The following PHEX variants were observed in gnomAD, a reference collection of about 807,000 sequenced individuals.
PHEX encodes phosphate-regulating neutral endopeptidase PHEX.
PHEX carries 16 observed loss-of-function variants against 68.0 expected under a neutral mutation model. That is an observed-to-expected ratio of 0.24 (90% confidence interval 0.16 to 0.36). The LOEUF is 0.36. PHEX is among the 10% of genes least tolerant of loss of function. The pLI is 1.00. For synonymous variants in PHEX, 208 were observed against 205.1 expected (o/e 1.01, Z -0.12); for missense variants, 480 against 575.5 (o/e 0.83, Z 1.70).
At chrX:22,119,366 T>C (rs1486021809) in intron 11 of PHEX, among the ~76,000 whole-genome samples, 1 of 111,412 alleles carries the variant, frequency 9.0e-6, no homozygotes, top group Non-Finnish European at 1.9e-5. Flanking sequence ...ATATTACTTT[T>C]GTGGAAAGTT....
chrX:22,043,233 G>A (rs73635591), intron 2 of PHEX, among the ~76,000 whole-genome samples: 5,033 of 111,950 alleles, frequency 0.045, 122 homozygotes, highest in African/African-American at 0.077. Context: ...ACATACATAC[G>A]TACATACAGG....
intron 9 of PHEX, among the ~76,000 whole-genome samples, chrX:22,101,484 C>T (rs778273185): frequency 8.9e-6 from 1 of 112,116 alleles, no homozygotes; most frequent in Non-Finnish European, 1.9e-5. Context: ...CCTCTAAACA[C>T]TCATTGGCTA....
chrX:22,037,428 A>G (rs1239235153), intron 1 of PHEX, among the ~76,000 whole-genome samples: 2 of 111,587 alleles, frequency 1.8e-5, no homozygotes, highest in Non-Finnish European at 3.8e-5. Context: ...CACAGAGCAC[A>G]GCAAGAATGA....
At chrX:22,086,800 C>A (rs1200655912) in intron 5 of PHEX, among the ~76,000 whole-genome samples, 1 of 111,834 alleles carries the variant, frequency 8.9e-6, no homozygotes, top group Non-Finnish European at 1.9e-5. Flanking sequence ...TGTCTTCTAA[C>A]TTGAGGTTTA....
intron 14 of PHEX, among the ~76,000 whole-genome samples, chrX:22,183,793 C>T (rs372676841): frequency 9.0e-6 from 1 of 110,999 alleles, no homozygotes; most frequent in East Asian, 2.8e-4. Context: ...CTCAGGGGCT[C>T]CTGCATATTG....
chrX:22,169,133 C>A (rs778548783), intron 13 of PHEX, among the ~76,000 whole-genome samples: 1 of 111,938 alleles, frequency 8.9e-6, no homozygotes, highest in Non-Finnish European at 1.9e-5. Flanking sequence ...TGAGGTATAG[C>A]TCTTTCCTGA....
intron 9 of PHEX, among the ~76,000 whole-genome samples, chrX:22,102,929 A>G (rs925453094): frequency 8.0e-5 from 9 of 112,058 alleles, no homozygotes; most frequent in Non-Finnish European, 1.5e-4. Context: ...GCCTATAAAA[A>G]TCATATACAG....
At chrX:22,051,829 C>T (rs1366363106) in intron 3 of PHEX, among the ~76,000 whole-genome samples, 1 of 110,890 alleles carries the variant, frequency 9.0e-6, no homozygotes, top group Non-Finnish European at 1.9e-5. Flanking sequence ...AGATAAATAT[C>T]GATATAAATA....
intron 2 of PHEX, among the ~76,000 whole-genome samples, chrX:22,039,215 C>T (rs1343319624): frequency 3.6e-5 from 4 of 112,466 alleles, no homozygotes; most frequent in Non-Finnish European, 7.5e-5. Context: ...GTGATCCACC[C>T]GCCTTGGCCT....
At chrX:22,221,837 T>C in intron 18 of PHEX, 94 bp downstream of exon 18, 1 of 794,158 alleles carries the variant, frequency 1.3e-6, no homozygotes. Context: ...TCAAAGCGTG[T>C]TTACAAGATC....
At chrX:22,224,951 A>ATCATACAGCGCTGTATGATTTATTG in intron 18 of PHEX, among the ~76,000 whole-genome samples, 1 of 113,838 alleles carries the variant, frequency 8.8e-6, no homozygotes, top group Non-Finnish European at 1.9e-5. Flanking sequence ...AACATAAATT[A>ATCATACAGCGCTGTATGATTTATTG]TCATACAGCG....
At chrX:22,051,544 A>G (rs747296683) in intron 3 of PHEX, among the ~76,000 whole-genome samples, 24 of 111,266 alleles carry the variant, frequency 2.2e-4, no homozygotes, top group Non-Finnish European at 4.5e-4. Context: ...AAAAACAAAA[A>G]ACAACCGCAT....
At chrX:22,131,135 G>A (rs1931978707) in intron 11 of PHEX, among the ~76,000 whole-genome samples, 1 of 110,753 alleles carries the variant, frequency 9.0e-6, no homozygotes. Context: ...TGCCTCCCGA[G>A]TTCCAGTGAT....
intron 16 of PHEX, among the ~76,000 whole-genome samples, chrX:22,216,017 T>C (rs1052589424): frequency 9.0e-6 from 1 of 111,569 alleles, no homozygotes; most frequent in Non-Finnish European, 1.9e-5. Context: ...CAGATCAGCA[T>C]TATGGAGAGC....
rs1159209387 is a variant in PHEX at position 22,137,188 on chromosome X, A to G, written c.1404+3564A>G. ...AGACCTGGCAGGAGAGCGTCAGATC[A>G]GGAGGAGCAACTTCCTGAGCTTGGC... On this transcript the variant is annotated intron_variant, in intron 12 of 21. Transcript: ENST00000379374. Among the ~76,000 whole-genome samples the G allele has an allele frequency of 3.6e-5, 4 of 111,974 alleles. No homozygotes were observed. The East Asian group carries it at 1.1e-3, about 31-fold the overall frequency.
chrX:22,149,761 G>A (rs1932812592), intron 12 of PHEX, among the ~76,000 whole-genome samples: 2 of 112,773 alleles, frequency 1.8e-5, no homozygotes, highest in African/African-American at 6.4e-5. Flanking sequence ...TCTCAAAAAA[G>A]AAAATGAAGG....
chrX:22,101,639 T>A (rs903517744), intron 9 of PHEX, among the ~76,000 whole-genome samples: 11 of 111,487 alleles, frequency 9.9e-5, no homozygotes, highest in Admixed American at 8.6e-4. Context: ...TCTATTCAGC[T>A]GGAGGATGGA....
At chrX:22,239,266 C>T (rs951632495) in intron 20 of PHEX, among the ~76,000 whole-genome samples, 6 of 111,722 alleles carry the variant, frequency 5.4e-5, no homozygotes, top group Non-Finnish European at 9.4e-5. Context: ...GATAAATCCA[C>T]GAGGATGGGG....
chrX:22,209,735 G>GCTCCCTCTCCTCCCTCTC (rs1569427968), intron 15 of PHEX, among the ~76,000 whole-genome samples: 3 of 51,417 alleles, frequency 5.8e-5, no homozygotes, highest in South Asian at 1.3e-3. Flanking sequence ...TGCTCCCTCT[G>GCTCCCTCTCCTCCCTCTC]CTCCCTCTGC....
Sources: allele counts gnomAD v4.1 joint callset (sites outside exome capture counted in the v4.1 genomes callset), GRCh38; gene constraint gnomAD v4.1.1; transcripts MANE v1.5; gene names NCBI Gene and HGNC (gene_info 2026-07-23, HGNC 2026-07-21).